TENM3: variants seen among roughly 807,000 people sequenced by gnomAD.
The protein encoded by TENM3 is teneurin transmembrane protein 3, also known as teneurin-3.
A neutral mutation model predicts 255.1 loss-of-function variants in TENM3; 63 were observed. The ratio of observed to expected loss-of-function variants is 0.25; its 90% confidence interval spans 0.20 to 0.30. TENM3 has a LOEUF of 0.30. Ranked by LOEUF, TENM3 falls within the 10% of genes least tolerant of loss-of-function variation. The pLI is 1.00. For missense variants in TENM3, 2,929 were observed against 3,461.1 expected, an observed-to-expected ratio of 0.85 and a Z score of 3.86; for synonymous variants, 1,306 against 1,322.3, an observed-to-expected ratio of 0.99 and a Z score of 0.27.
At chr4:181,542,635 A>T in the TENM3 span, among the ~76,000 whole-genome samples, 1 of 152,172 alleles carries the variant, frequency 6.6e-6, no homozygotes, top group Non-Finnish European at 1.5e-5. Flanking sequence ...AGAATGAAGG[A>T]TAACTTCTAG....
chr4:181,741,264 T>C, the TENM3 span, among the ~76,000 whole-genome samples: 6 of 152,198 alleles, frequency 3.9e-5, no homozygotes, highest in African/African-American at 1.4e-4. Flanking sequence ...TTATTTTTAT[T>C]TCTGTAATTG....
the TENM3 span, among the ~76,000 whole-genome samples, chr4:181,666,074 CTTAT>C: frequency 6.6e-6 from 1 of 152,092 alleles, no homozygotes; most frequent in Non-Finnish European, 1.5e-5. Flanking sequence ...TGTATTCTCA[CTTAT>C]CATTGACTCA....
At chr4:182,051,887 A>G in the TENM3 span, among the ~76,000 whole-genome samples, 2 of 152,178 alleles carry the variant, frequency 1.3e-5, no homozygotes, top group Non-Finnish European at 2.9e-5. Context: ...TTGGAGACAA[A>G]GCACTAAAGA....
At chr4:181,548,120 C>T in the TENM3 span, among the ~76,000 whole-genome samples, 2 of 152,158 alleles carry the variant, frequency 1.3e-5, no homozygotes, top group African/African-American at 4.8e-5. Flanking sequence ...TCATCCATCT[C>T]ACACCAGTTA....
intron 3 of TENM3, among the ~76,000 whole-genome samples, chr4:182,527,604 CAGAT>C (rs934753355): frequency 6.6e-6 from 1 of 152,054 alleles, no homozygotes. Flanking sequence ...CATGATCTCA[CAGAT>C]AGAAGAAATA....
the TENM3 span, among the ~76,000 whole-genome samples, chr4:181,570,252 A>C: frequency 6.6e-6 from 1 of 151,886 alleles, no homozygotes; most frequent in Non-Finnish European, 1.5e-5. Context: ...TCACCTTGTT[A>C]GCCAGGATGG....
Position 182,601,006 on chromosome 4 carries a change from A to G in TENM3, c.594A>G (p.Pro198=), listed in dbSNP as rs781339211. 3 of 1,606,026 alleles carry G rather than the reference A, an allele frequency of 1.9e-6. No individual in the cohort carries two copies. The highest frequency in any genetic ancestry group is 2.5e-6 in the Non-Finnish European group (3 of 1,179,092). ...AGCAGCACTCTGCACAGCATCATCC[A>G]TCCATCACTTCTCTCAACAGAAACT... The part of the protein sequence containing the change: ...SHKQHSAQHH[P]SITSLNRNSL... The change falls in exon 4 of 28, where the codon CCA becomes CCG. Residue 198 remains proline, a synonymous_variant. Transcript: ENST00000511685.
the TENM3 span, among the ~76,000 whole-genome samples, chr4:181,567,164 T>G: frequency 6.6e-6 from 1 of 152,230 alleles, no homozygotes; most frequent in Non-Finnish European, 1.5e-5. Flanking sequence ...TCAAAGCCTG[T>G]GGGCAAAGTG....
chr4:181,602,713 T>C, the TENM3 span, among the ~76,000 whole-genome samples: 1 of 152,134 alleles, frequency 6.6e-6, no homozygotes, highest in African/African-American at 2.4e-5. Flanking sequence ...GGTGTTAGTA[T>C]TAAGGAGTAA....
At chr4:181,911,696 A>G in the TENM3 span, among the ~76,000 whole-genome samples, 199 of 152,294 alleles carry the variant, frequency 1.3e-3, 1 homozygote, top group Admixed American at 3.5e-3. Context: ...AATCCACATG[A>G]CACATATTTG....
chr4:182,744,974 TTAAAG>T (rs1761901145), intron 19 of TENM3, among the ~76,000 whole-genome samples: 3 of 152,122 alleles, frequency 2.0e-5, no homozygotes, highest in African/African-American at 7.2e-5. Flanking sequence ...AACCAATGTT[TTAAAG>T]TAAAGCTGGC....
intron 1 of TENM3, among the ~76,000 whole-genome samples, chr4:182,207,610 G>C (rs1394539416): frequency 6.6e-6 from 1 of 151,996 alleles, no homozygotes; most frequent in East Asian, 1.9e-4. Flanking sequence ...CATCACTTAG[G>C]GTGGATTTTA....
chr4:181,771,341 G>T, the TENM3 span, among the ~76,000 whole-genome samples: 1 of 152,176 alleles, frequency 6.6e-6, no homozygotes, highest in African/African-American at 2.4e-5. Flanking sequence ...AATGTAATAG[G>T]TGATGCACTG....
chr4:181,878,949 G>A, the TENM3 span, among the ~76,000 whole-genome samples: 1 of 151,940 alleles, frequency 6.6e-6, no homozygotes. Flanking sequence ...TCTGTTCTTG[G>A]CAGCTGCATT....
chr4:182,147,206 G>A (rs939500857), intron 1 of TENM3, among the ~76,000 whole-genome samples: 8 of 152,270 alleles, frequency 5.3e-5, no homozygotes, highest in Non-Finnish European at 1.0e-4. Context: ...AGGAAGAAGC[G>A]CGTGGCTATC....
the TENM3 span, among the ~76,000 whole-genome samples, chr4:182,111,217 T>TTTTTTTCTTTTTTCATG: frequency 7.1e-6 from 1 of 140,010 alleles, no homozygotes; most frequent in Non-Finnish European, 1.5e-5. Flanking sequence ...TTTTTTTAAT[T>TTTTTTTCTTTTTTCATG]AGCCTTCTTT....
intron 3 of TENM3, among the ~76,000 whole-genome samples, chr4:182,442,427 G>T (rs1580554754): frequency 6.6e-6 from 1 of 152,156 alleles, no homozygotes; most frequent in Non-Finnish European, 1.5e-5. Flanking sequence ...TTTGATCTAT[G>T]CACGGCTATT....
chr4:181,727,569 T>C, the TENM3 span, among the ~76,000 whole-genome samples: 7 of 152,242 alleles, frequency 4.6e-5, no homozygotes, highest in Non-Finnish European at 8.8e-5. Flanking sequence ...ACATAATCTG[T>C]TGAAGAGCAT....
At chr4:182,420,432 C>T (rs1057503238) in intron 3 of TENM3, among the ~76,000 whole-genome samples, 2 of 152,176 alleles carry the variant, frequency 1.3e-5, no homozygotes, top group African/African-American at 2.4e-5. Context: ...ACGAACTACA[C>T]TGGTGAAGAT....
Sources: gnomAD v4.1 joint callset for allele counts (sites outside exome capture counted in the v4.1 genomes callset) on GRCh38, gnomAD v4.1.1 for gene constraint, MANE v1.5 for transcripts, NCBI Gene and HGNC (gene_info 2026-07-23, HGNC 2026-07-21) for gene names.